The following ADARB1 variants were observed in gnomAD, a reference collection of about 807,000 sequenced individuals.
ADARB1 encodes double-stranded RNA-specific editase 1.
In ADARB1, 10 loss-of-function variants were observed where a neutral mutation model predicts 52.4. The ratio of observed to expected loss-of-function variants is 0.19; its 90% confidence interval spans 0.12 to 0.32. The LOEUF is 0.32. ADARB1 is among the 10% of genes least tolerant of loss of function. The pLI, the probability that ADARB1 is intolerant of heterozygous loss-of-function variation, is 1.00. For missense variants in ADARB1, 643 were observed against 922.3 expected, an observed-to-expected ratio of 0.70 and a Z score of 3.92; for synonymous variants, 349 against 371.1, an observed-to-expected ratio of 0.94 and a Z score of 0.68.
intron 9 of ADARB1, among the ~76,000 whole-genome samples, chr21:45,209,859 C>T (rs1375425852): frequency 6.6e-6 from 1 of 152,152 alleles, no homozygotes; most frequent in African/African-American, 2.4e-5. Context: ...TCTTCTCTGC[C>T]CTCTCTGTTG....
intron 1 of ADARB1, among the ~76,000 whole-genome samples, chr21:45,092,469 A>T (rs1277894880): frequency 6.6e-6 from 1 of 152,156 alleles, no homozygotes; most frequent in Non-Finnish European, 1.5e-5. Flanking sequence ...ATACCATTGG[A>T]ATTTACTCTT....
intron 2 of ADARB1, among the ~76,000 whole-genome samples, chr21:45,146,447 C>G (rs1267129390): frequency 6.6e-6 from 1 of 152,232 alleles, no homozygotes; most frequent in Non-Finnish European, 1.5e-5. Context: ...CTGGTTTCAG[C>G]CGGACCGGGA....
chr21:45,171,032 C>T (rs956140408), intron 2 of ADARB1, among the ~76,000 whole-genome samples: 2 of 152,180 alleles, frequency 1.3e-5, no homozygotes, highest in African/African-American at 4.8e-5. Context: ...AAGTGAGAAG[C>T]TGTAGGTTCT....
chr21:45,117,768 A>G (rs1423615851), intron 1 of ADARB1, among the ~76,000 whole-genome samples: 1 of 152,202 alleles, frequency 6.6e-6, no homozygotes, highest in African/African-American at 2.4e-5. Context: ...ACATGGTAAA[A>G]AACACATTGC....
chr21:45,107,971 G>A (rs751374502), intron 1 of ADARB1, among the ~76,000 whole-genome samples: 9 of 152,146 alleles, frequency 5.9e-5, no homozygotes, highest in Non-Finnish European at 1.2e-4. Flanking sequence ...TGAGGTGGGA[G>A]GATCACTTGA....
At chr21:45,160,673 G>T (rs780240887) in intron 2 of ADARB1, among the ~76,000 whole-genome samples, 1 of 152,192 alleles carries the variant, frequency 6.6e-6, no homozygotes, top group Non-Finnish European at 1.5e-5. Context: ...CAGTCATAAC[G>T]TTATGGATTT....
chr21:45,165,112 C>G (rs1216870949), intron 2 of ADARB1, among the ~76,000 whole-genome samples: 2 of 152,176 alleles, frequency 1.3e-5, no homozygotes, highest in Non-Finnish European at 2.9e-5. Flanking sequence ...AGTTGCCTTG[C>G]TGGGCCAGTC....
intron 1 of ADARB1, among the ~76,000 whole-genome samples, chr21:45,113,284 G>A (rs1375919008): frequency 3.3e-5 from 5 of 152,134 alleles, no homozygotes; most frequent in East Asian, 1.9e-4. Context: ...TTAGCCAGGC[G>A]TGGTGTTGCA....
intron 1 of ADARB1, among the ~76,000 whole-genome samples, chr21:45,090,573 TTC>T (rs200101246): frequency 0.015 from 2,319 of 152,314 alleles, 19 homozygotes; most frequent in Non-Finnish European, 0.023. Flanking sequence ...TGTGACAGTC[TTC>T]TCTCATGAAC....
At chr21:45,111,676 A>G (rs2087542403) in intron 1 of ADARB1, among the ~76,000 whole-genome samples, 1 of 152,168 alleles carries the variant, frequency 6.6e-6, no homozygotes, top group Non-Finnish European at 1.5e-5. Flanking sequence ...TCAGTATTAC[A>G]TGTGTGATGA....
intron 2 of ADARB1, among the ~76,000 whole-genome samples, chr21:45,138,211 T>C (rs1004212866): frequency 2.0e-5 from 3 of 152,226 alleles, no homozygotes; most frequent in African/African-American, 7.2e-5. Context: ...TTATGAACTT[T>C]AGACATTAAC....
chr21:45,116,971 A>G (rs934445261), intron 1 of ADARB1: 2 of 151,978 alleles, frequency 1.3e-5, no homozygotes, highest in African/African-American at 2.4e-5. Context: ...CTATTTGTGT[A>G]GGCCTCTCAG....
rs2092971795 is a variant in ADARB1, at chr21:45,221,922, A to G, written c.1927-96A>G. On this transcript the variant is annotated intron_variant, in intron 10 of 10. Coordinates refer to ENST00000348831, the MANE Select transcript of ADARB1 (RefSeq NM_001112.4). The surrounding 1 kb of genome is among the most constrained non-coding windows in gnomAD (Gnocchi z 4.9). The stretch of plus-strand genomic sequence containing the variant: ...TGGGTTGCTTTCCCCCCAGAAGCCA[A>G]TGCAGTTCTGAAGGCCATGTTTTGG... 7 of 1,368,596 alleles carry G rather than the reference A, an allele frequency of 5.1e-6. No homozygotes were observed. In the South Asian group the frequency reaches 9.6e-5, roughly 19 times the overall value. 84.8% of individuals were successfully genotyped at this position (1,368,596 alleles called of 1,614,324 possible).
At position 45,193,649 on chromosome 21, in the gene ADARB1, C is replaced by T. The variant is rs115706636; in HGVS notation, c.1565+8558C>T. Among the ~76,000 whole-genome samples the T allele has an allele frequency of 2.4e-3, 360 of 152,198 alleles. 3 individuals are homozygous for T. The highest frequency in any genetic ancestry group is 8.4e-3 in the African/African-American group (349 of 41,544). On this transcript the variant is annotated intron_variant, in intron 8 of 10. Coordinates refer to ENST00000348831, the MANE Select transcript of ADARB1 (RefSeq NM_001112.4). ...TGTAGGAAATGAGATGGATATTATACAAAACTATGAGAATGAATGAATGAT... is the reference window on the plus strand; with the variant it reads ...TGTAGGAAATGAGATGGATATTATATAAAACTATGAGAATGAATGAATGAT...
intron 1 of ADARB1, among the ~76,000 whole-genome samples, chr21:45,105,384 G>A (rs919552882): frequency 6.6e-6 from 1 of 152,180 alleles, no homozygotes; most frequent in African/African-American, 2.4e-5. Context: ...TTATAGGCAT[G>A]AGCCACTGCA....
intron 1 of ADARB1, among the ~76,000 whole-genome samples, chr21:45,110,569 ACTC>A (rs949989833): frequency 3.3e-5 from 5 of 152,126 alleles, no homozygotes; most frequent in African/African-American, 1.2e-4. Context: ...AGGAGGTTAA[ACTC>A]CTCACCTAGA....
rs2090507693 is a variant in ADARB1 at position 45,155,455 on chromosome 21, G to A, written c.-47-16155G>A. On this transcript the variant is annotated intron_variant, in intron 2 of 10. Transcript: ENST00000348831. ...TGAGATGCAGAGCATGGTAGCACCT[G>A]GAGGTATAGGACGGGATGGCATTTA... 1.3e-5 allele frequency among the ~76,000 whole-genome samples: 2 copies of A among 152,052 alleles called. 1 individual carries two copies. Among genetic ancestry groups the A allele is most frequent in the Admixed American group, 1.3e-4 (2 of 15,276 alleles).
Position 45,208,422 on chromosome 21 carries a change from A to G in ADARB1, c.1747+3686A>G, listed in dbSNP as rs2092704860. On this transcript the variant is annotated intron_variant, in intron 9 of 10. Coordinates refer to ENST00000348831, the MANE Select transcript of ADARB1 (RefSeq NM_001112.4). This position sits in a 1 kb window ranked among gnomAD's most constrained non-coding sequence, Gnocchi z 5.6. Reference sequence around the variant, plus strand: ...TGCATTTAGGTATCTCTGGGAGGACAGCACAGGGACCCAAGGGGGCTGGCA... The same window carrying G: ...TGCATTTAGGTATCTCTGGGAGGACGGCACAGGGACCCAAGGGGGCTGGCA... Among the ~76,000 whole-genome samples the G allele has an allele frequency of 6.6e-6, 1 of 152,246 alleles. No individual in the cohort carries two copies. The highest frequency in any genetic ancestry group is 1.5e-5 in the Non-Finnish European group (1 of 68,048).
intron 2 of ADARB1, among the ~76,000 whole-genome samples, chr21:45,153,477 G>C (rs892184743): frequency 6.6e-6 from 1 of 152,026 alleles, no homozygotes; most frequent in Non-Finnish European, 1.5e-5. Flanking sequence ...CGCCCCCTTA[G>C]TGTCCCCCAC....
Sources: allele counts gnomAD v4.1 joint callset (sites outside exome capture counted in the v4.1 genomes callset), GRCh38; gene constraint gnomAD v4.1.1; non-coding constraint Gnocchi (gnomAD v3.1); transcripts MANE v1.5; gene names NCBI Gene and HGNC (gene_info 2026-07-23, HGNC 2026-07-21).